Variants in UST observed in about 807,000 individuals in gnomAD.
UST encodes the protein uronyl 2-sulfotransferase.
In UST, 21 loss-of-function variants were observed where a neutral mutation model predicts 45.6. The ratio of observed to expected loss-of-function variants is 0.46; its 90% CI spans 0.33 to 0.66. The LOEUF (loss-of-function observed/expected upper bound fraction) is 0.66. UST is among the 30% of genes least tolerant of loss of function. The pLI is 0.02. For missense variants in UST, 463 were observed against 512.4 expected (o/e 0.90, Z 0.93); for synonymous variants, 215 against 200.6 (o/e 1.07, Z -0.61).
intron 1 of UST, among the ~76,000 whole-genome samples, chr6:148,825,676 G>A (rs530303016): frequency 2.0e-5 from 3 of 152,298 alleles, no homozygotes; most frequent in East Asian, 1.9e-4. Context: ...AGATATTGGC[G>A]TAACATTGCC....
chr6:148,820,772 G>A (rs1777445195), intron 1 of UST, among the ~76,000 whole-genome samples: 1 of 149,232 alleles, frequency 6.7e-6, no homozygotes, highest in African/African-American at 2.5e-5. Flanking sequence ...AGAATGGCGT[G>A]AACCTGGGAG....
intron 1 of UST, among the ~76,000 whole-genome samples, chr6:148,759,847 CAA>C (rs71554421): frequency 2.7e-4 from 16 of 59,200 alleles, no homozygotes; most frequent in East Asian, 1.9e-3. Context: ...GACTCTGTCT[CAA>C]AAAAAAAAAA....
At chr6:148,966,653 C>T (rs1780806440) in intron 5 of UST, among the ~76,000 whole-genome samples, 2 of 152,224 alleles carry the variant, frequency 1.3e-5, no homozygotes, top group Non-Finnish European at 2.9e-5. Flanking sequence ...TTCACACACT[C>T]ACACAAATAA....
At chr6:149,054,105 G>A (rs970160244) in intron 7 of UST, among the ~76,000 whole-genome samples, 8 of 151,998 alleles carry the variant, frequency 5.3e-5, no homozygotes, top group Non-Finnish European at 1.5e-5. Flanking sequence ...TTTGGACCTC[G>A]TGGGAAAAAA....
intron 1 of UST, among the ~76,000 whole-genome samples, chr6:148,863,651 C>T (rs1778363057): frequency 6.6e-6 from 1 of 152,152 alleles, no homozygotes; most frequent in African/African-American, 2.4e-5. Context: ...TACCTTTGGT[C>T]TTTGATGATG....
chr6:149,039,478 A>T (rs1472675903), intron 7 of UST, among the ~76,000 whole-genome samples: 1 of 152,120 alleles, frequency 6.6e-6, no homozygotes, highest in African/African-American at 2.4e-5. Context: ...CACCCGCCTC[A>T]GCCTCCCAAA....
chr6:148,831,487 G>A lies in UST; in HGVS notation c.248-55499G>A, dbSNP rs187959013. 1.4e-3 allele frequency among the ~76,000 whole-genome samples: 211 copies of A among 152,226 alleles called. 1 individual carries two copies. The highest frequency in any genetic ancestry group is 2.0e-3 in the Non-Finnish European group (139 of 68,018). On this transcript the variant is annotated intron_variant, in intron 1 of 7. Coordinates refer to ENST00000367463, the MANE Select transcript of UST (RefSeq NM_005715.3). Reference sequence around the variant, plus strand: ...TTATAGAATCCCTTCTGAGTGCCAGGCATTGTATTTTCTATTTTCACTTAG... The same window carrying A: ...TTATAGAATCCCTTCTGAGTGCCAGACATTGTATTTTCTATTTTCACTTAG...
intron 5 of UST, among the ~76,000 whole-genome samples, chr6:148,981,053 C>G (rs1052937712): frequency 6.6e-6 from 1 of 152,108 alleles, no homozygotes; most frequent in Non-Finnish European, 1.5e-5. Flanking sequence ...TTTTTTCTCT[C>G]CACCTCCTAT....
chr6:148,947,315 T>C (rs1780265393), intron 3 of UST, among the ~76,000 whole-genome samples: 1 of 152,104 alleles, frequency 6.6e-6, no homozygotes. Flanking sequence ...CATACATGGG[T>C]TAATAAAAAA....
At chr6:149,033,894 A>G (rs375427990) in intron 7 of UST, among the ~76,000 whole-genome samples, 9 of 152,148 alleles carry the variant, frequency 5.9e-5, no homozygotes, top group East Asian at 1.9e-4. Context: ...TCCTATTCCA[A>G]CCCTCCCAAA....
chr6:148,855,101 C>G (rs1488535396), intron 1 of UST, among the ~76,000 whole-genome samples: 1 of 152,002 alleles, frequency 6.6e-6, no homozygotes, highest in Non-Finnish European at 1.5e-5. Flanking sequence ...GACGTATTCA[C>G]TATCACGAGA....
intron 1 of UST, among the ~76,000 whole-genome samples, chr6:148,764,737 C>T (rs1416194682): frequency 3.9e-5 from 6 of 152,128 alleles, no homozygotes; most frequent in African/African-American, 7.2e-5. Flanking sequence ...ACAGAGATCA[C>T]ATGCTTCAAG....
intron 2 of UST, among the ~76,000 whole-genome samples, chr6:148,900,367 C>A (rs762404750): frequency 3.3e-5 from 5 of 152,158 alleles, no homozygotes; most frequent in Non-Finnish European, 7.3e-5. Flanking sequence ...ATAATCCCCA[C>A]GTGTTGTGGG....
chr6:148,816,658 T>C (rs1777362226), intron 1 of UST, among the ~76,000 whole-genome samples: 1 of 152,216 alleles, frequency 6.6e-6, no homozygotes, highest in South Asian at 2.1e-4. Flanking sequence ...TGTAAAGTAT[T>C]AAGCAATTAA....
At position 148,880,825 on chromosome 6, in the gene UST, C is replaced by T. The variant is rs544115005; in HGVS notation, c.248-6161C>T. On this transcript the variant is annotated intron_variant, in intron 1 of 7. Coordinates refer to ENST00000367463, the MANE Select transcript of UST (RefSeq NM_005715.3). The stretch of plus-strand genomic sequence containing the variant: ...TGGGTGGATCACGAGATCAGGAGAT[C>T]GGGACCATCCTGGCTAACATGGTGA... Among the ~76,000 whole-genome samples the T allele has an allele frequency of 1.6e-3, 249 of 152,090 alleles. 5 individuals are homozygous for T. Among genetic ancestry groups the T allele is most frequent in the Non-Finnish European group, 7.2e-4 (49 of 67,990 alleles).
chr6:148,887,175 A>G, intron 2 of UST, 146 bp downstream of exon 2: 3 of 677,856 alleles, frequency 4.4e-6, no homozygotes, highest in Non-Finnish European at 5.1e-6. Context: ...ACTTCTAACA[A>G]GGAGGAAGCA....
chr6:148,892,173 C>T (rs1562291438), intron 2 of UST, among the ~76,000 whole-genome samples: 2 of 152,154 alleles, frequency 1.3e-5, no homozygotes, highest in Non-Finnish European at 2.9e-5. Context: ...TCTGAAGAGT[C>T]GTAGTCTGAC....
intron 5 of UST, among the ~76,000 whole-genome samples, chr6:148,976,975 T>C (rs1361900481): frequency 1.3e-5 from 2 of 152,120 alleles, no homozygotes; most frequent in Non-Finnish European, 2.9e-5. Context: ...TGGTGTCTTC[T>C]AGAGTTTTGT....
chr6:148,871,824 G>C (rs1778564893), intron 1 of UST, among the ~76,000 whole-genome samples: 1 of 152,180 alleles, frequency 6.6e-6, no homozygotes, highest in Non-Finnish European at 1.5e-5. Context: ...AGGTAAGCAA[G>C]CTTGAAAATT....
Sources: allele counts gnomAD v4.1 joint callset (sites outside exome capture counted in the v4.1 genomes callset), GRCh38; gene constraint gnomAD v4.1.1; transcripts MANE v1.5; gene names NCBI Gene and HGNC (gene_info 2026-07-23, HGNC 2026-07-21).